The following TENM1 variants were observed in gnomAD, a reference collection of about 807,000 sequenced individuals.
TENM1 encodes teneurin transmembrane protein 1, also known as teneurin-1.
In TENM1, 35 loss-of-function variants were observed where a neutral mutation model predicts 174.8. That is an observed-to-expected ratio of 0.20 (90% CI 0.15 to 0.27). The LOEUF is 0.27. Among genes scored for constraint, TENM1 ranks in the 10% least tolerant of loss-of-function variants. The probability of loss-of-function intolerance (pLI) is 1.00; values close to 1 mark genes in which losing one functional copy is unlikely to be tolerated. For missense variants in TENM1, 1,633 were observed against 2,130.1 expected (o/e 0.77, Z 4.59); for synonymous variants, 781 against 798.7 (o/e 0.98, Z 0.37).
chrX:124,749,132 G>C (rs1247780065), intron 3 of TENM1, among the ~76,000 whole-genome samples: 1 of 110,640 alleles, frequency 9.0e-6, no homozygotes, highest in African/African-American at 3.3e-5. Flanking sequence ...AGCTATTATT[G>C]AAGTCATGAG....
intron 25 of TENM1, among the ~76,000 whole-genome samples, 181 bp from the exon 29 acceptor site, chrX:124,406,670 C>A (rs2060466152): frequency 1.8e-5 from 2 of 111,587 alleles, no homozygotes; most frequent in Admixed American, 9.5e-5. Flanking sequence ...GTATTTTTTG[C>A]AGCTTCTGAA....
At chrX:124,418,139 C>T (rs182621856) in intron 25 of TENM1, among the ~76,000 whole-genome samples, 4 of 112,471 alleles carry the variant, frequency 3.6e-5, no homozygotes, top group Admixed American at 1.9e-4. Context: ...CCAGTGGCTC[C>T]ACTTCTTAGA....
At chrX:124,404,019 C>A (rs894730632) in intron 27 of TENM1, among the ~76,000 whole-genome samples, 10 of 111,995 alleles carry the variant, frequency 8.9e-5, no homozygotes, top group Non-Finnish European at 1.3e-4. Context: ...GCCCCTTCCC[C>A]TCCCTTGTCC....
chrX:125,066,392 G>A, the TENM1 span, among the ~76,000 whole-genome samples: 1 of 111,705 alleles, frequency 9.0e-6, no homozygotes, highest in East Asian at 2.8e-4. Context: ...AATGAAGGGA[G>A]GTAGAGAATT....
At chrX:125,145,845 AT>A in the TENM1 span, among the ~76,000 whole-genome samples, 1 of 111,958 alleles carries the variant, frequency 8.9e-6, no homozygotes, top group African/African-American at 3.2e-5. Context: ...TTTCTTAATC[AT>A]AGAAGCCATA....
At chrX:124,404,791 G>A (rs774125507) in intron 27 of TENM1, among the ~76,000 whole-genome samples, 1 of 111,167 alleles carries the variant, frequency 9.0e-6, no homozygotes, top group South Asian at 3.8e-4. Flanking sequence ...CACTTTAGCT[G>A]GCTAATGACA....
chrX:124,714,576 A>G (rs1337179914), intron 4 of TENM1, among the ~76,000 whole-genome samples: 3 of 111,913 alleles, frequency 2.7e-5, no homozygotes, highest in Admixed American at 9.4e-5. Flanking sequence ...ACTTATCATC[A>G]TTGTGAAAGT....
chrX:124,844,158 C>CTT (rs1167827951), intron 3 of TENM1, among the ~76,000 whole-genome samples: 1 of 111,651 alleles, frequency 9.0e-6, no homozygotes, highest in Admixed American at 9.6e-5. Context: ...AAAGCCACTC[C>CTT]TTTAGTGCTT....
chrX:124,822,852 C>G (rs1260169410), intron 3 of TENM1, among the ~76,000 whole-genome samples: 1 of 112,021 alleles, frequency 8.9e-6, no homozygotes, highest in African/African-American at 3.2e-5. Context: ...AGAAAAGAAT[C>G]TAGGACCCAG....
chrX:124,443,065 T>C lies in TENM1; in HGVS notation c.4104+10272A>G, dbSNP rs764711569. Among the ~76,000 whole-genome samples, 147 of 70,492 alleles carry C rather than the reference T, an allele frequency of 2.1e-3. 1 individual carries two copies. The highest frequency in any genetic ancestry group is 6.5e-3 in the South Asian group (6 of 920). The allele number at this position is 70,492 out of a possible 115,157, so 61.2% of individuals were successfully genotyped here. A position where few individuals can be genotyped will look rare whatever the true frequency, so the allele number is the denominator to read the frequency against. On this transcript the variant is annotated intron_variant, in intron 23 of 31. Coordinates refer to ENST00000422452, the Ensembl canonical transcript of TENM1. ...GACTATGTGTGTGTGTGTGTGTGTG[T>C]GTGTGTGTGTGTGTGTGTGTGTGTG... is the stretch of plus-strand genomic sequence containing the variant.
chrX:124,380,354 T>A (rs1455416261), exon 32 of TENM1: 2 of 403,715 alleles, frequency 5.0e-6, no homozygotes, highest in African/African-American at 5.1e-5. Flanking sequence ...CTCTGTCATT[T>A]CTTAAAGAGT....
At chrX:124,498,613 T>C (rs913612275) in intron 19 of TENM1, among the ~76,000 whole-genome samples, 3 of 108,863 alleles carry the variant, frequency 2.8e-5, no homozygotes, top group Non-Finnish European at 5.7e-5. Context: ...TTATCTTGAA[T>C]GCCTTCCTCA....
chrX:125,013,100 G>A, the TENM1 span, among the ~76,000 whole-genome samples: 11,487 of 111,172 alleles, frequency 0.1, 529 homozygotes, highest in South Asian at 0.22. Context: ...TGTTGGCTGA[G>A]GAAGAAGCTT....
rs187069343 is a variant in TENM1 at position 124,840,511 on chromosome X, T to C, written c.535+53785A>G. Among the ~76,000 whole-genome samples, 801 of 111,537 alleles carry C rather than the reference T, an allele frequency of 7.2e-3. 5 individuals carry two copies. The highest frequency in any genetic ancestry group is 0.025 in the African/African-American group (763 of 30,680). Reference sequence around the variant, plus strand: ...CAGGTATCTGAGTACAAATTATGGGTACATATTGTGTTAGATGGTTAATTT... The same window carrying C: ...CAGGTATCTGAGTACAAATTATGGGCACATATTGTGTTAGATGGTTAATTT... On this transcript the variant is annotated intron_variant, in intron 3 of 31. Coordinates refer to ENST00000422452, the Ensembl canonical transcript of TENM1.
chrX:124,548,625 A>G (rs1006808197), intron 14 of TENM1, among the ~76,000 whole-genome samples: 2 of 111,965 alleles, frequency 1.8e-5, no homozygotes, highest in Non-Finnish European at 1.9e-5. Context: ...AACAAGGGTA[A>G]ATATAAAGAC....
intron 11 of TENM1, among the ~76,000 whole-genome samples, chrX:124,588,578 A>G (rs1262127108): frequency 3.1e-4 from 34 of 109,829 alleles, no homozygotes; most frequent in African/African-American, 1.1e-3. Context: ...GCTTTAGGAG[A>G]TATACCTAAT....
At chrX:124,943,808 T>A (rs1569485767) in intron 1 of TENM1, among the ~76,000 whole-genome samples, 1 of 111,944 alleles carries the variant, frequency 8.9e-6, no homozygotes. Flanking sequence ...TCATGAATTG[T>A]TTACTTTTAT....
chrX:124,508,359 C>T (rs909366006), intron 18 of TENM1, among the ~76,000 whole-genome samples: 1 of 112,229 alleles, frequency 8.9e-6, no homozygotes, highest in Non-Finnish European at 1.9e-5. Flanking sequence ...TTGACACTTA[C>T]GGACAAATTC....
At chrX:125,063,641 T>C in the TENM1 span, among the ~76,000 whole-genome samples, 8 of 111,573 alleles carry the variant, frequency 7.2e-5, no homozygotes, top group Non-Finnish European at 1.1e-4. Flanking sequence ...AGAATGGTGA[T>C]CATTAAAAAG....
Sources: gnomAD v4.1 joint callset for allele counts (sites outside exome capture counted in the v4.1 genomes callset) on GRCh38, gnomAD v4.1.1 for gene constraint, MANE v1.5 for transcripts, NCBI Gene and HGNC (gene_info 2026-07-23, HGNC 2026-07-21) for gene names.